The following ARHGAP39 variants were observed in gnomAD, a reference collection of about 807,000 sequenced individuals.
ARHGAP39 encodes Rho GTPase activating protein 39.
A neutral mutation model predicts 106.9 loss-of-function variants in ARHGAP39; 44 were observed. The observed-to-expected ratio is 0.41, with a 90% CI of 0.32 to 0.53. ARHGAP39 has a LOEUF of 0.53. Among genes scored for constraint, ARHGAP39 ranks in the 20% least tolerant of loss-of-function variants. The pLI is 0.21. For missense variants in ARHGAP39, 1,496 were observed against 1,577.3 expected (o/e 0.95, Z 0.87); for synonymous variants, 768 against 693.2 (o/e 1.11, Z -1.69).
chr8:144,656,415 A>G (rs1402374390), intron 1 of ARHGAP39, among the ~76,000 whole-genome samples: 1 of 152,182 alleles, frequency 6.6e-6, no homozygotes, highest in Non-Finnish European at 1.5e-5. Context: ...TTATGTAACA[A>G]TCCTAAATGC....
chr8:144,656,832 A>AAAAAAT (rs1821710607), intron 1 of ARHGAP39, among the ~76,000 whole-genome samples: 5 of 150,610 alleles, frequency 3.3e-5, no homozygotes, highest in South Asian at 2.1e-4. Flanking sequence ...AAAAAAAAAA[A>AAAAAAT]GTGAGTCTAA....
intron 2 of ARHGAP39, among the ~76,000 whole-genome samples, chr8:144,590,140 G>A (rs1449174342): frequency 2.0e-5 from 3 of 152,224 alleles, no homozygotes; most frequent in Non-Finnish European, 4.4e-5. Context: ...AAGCCTTCCC[G>A]ACAGGGCCTG....
Position 144,679,123 on chromosome 8 carries a change from G to A in ARHGAP39, c.-82+6563C>T, listed in dbSNP as rs911753292. 5.9e-5 allele frequency among the ~76,000 whole-genome samples: 9 copies of A among 152,206 alleles called. No homozygotes were observed. Among genetic ancestry groups the A allele is most frequent in the Non-Finnish European group, 8.8e-5 (6 of 68,034 alleles). ...TGAATGTGGGTGCTGAGTCTGAGCC[G>A]CCTCAGGGGCTCTCGCGCATGGTGG... On this transcript the variant is annotated intron_variant, in intron 1 of 11. Coordinates refer to ENST00000377307, the MANE Select transcript of ARHGAP39 (RefSeq NM_025251.3). The surrounding 1 kb of genome is among the most constrained non-coding windows in gnomAD (Gnocchi z 4.7).
At chr8:144,600,798 TCTAC>T (rs1163265419) in intron 2 of ARHGAP39, among the ~76,000 whole-genome samples, 1 of 148,066 alleles carries the variant, frequency 6.8e-6, no homozygotes, top group African/African-American at 2.5e-5. Flanking sequence ...CGTGAGCTCA[TCTAC>T]CTACCTGCGC....
At chr8:144,693,057 C>CAGTAAA in the ARHGAP39 span, among the ~76,000 whole-genome samples, 4 of 114,788 alleles carry the variant, frequency 3.5e-5, no homozygotes, top group African/African-American at 3.1e-5. Context: ...CTGCGCCCGG[C>CAGTAAA]CTTTTTTTTT....
intron 1 of ARHGAP39, among the ~76,000 whole-genome samples, chr8:144,673,816 G>A (rs11989020): frequency 0.036 from 5,509 of 152,350 alleles, 343 homozygotes; most frequent in African/African-American, 0.13. Flanking sequence ...GGCAAGGGGT[G>A]TGTGGGCAAG....
At chr8:144,653,135 T>C (rs562079633) in intron 1 of ARHGAP39, among the ~76,000 whole-genome samples, 24 of 152,086 alleles carry the variant, frequency 1.6e-4, no homozygotes, top group Middle Eastern at 3.4e-3. Context: ...CAGTCTTGAC[T>C]AAAAATACAA....
chr8:144,548,034 CGGCCCGGCGACCG>C lies in ARHGAP39; in HGVS notation c.1039_1051del (p.Arg347ValfsTer33). 6.2e-7 allele frequency: 1 copy of C among 1,604,918 alleles called. No homozygotes were observed. Among genetic ancestry groups the C allele is most frequent in the Non-Finnish European group, 8.5e-7 (1 of 1,176,894 alleles). On this transcript the variant is annotated frameshift_variant, in exon 5 of 12. Coordinates refer to ENST00000377307, the MANE Select transcript of ARHGAP39 (RefSeq NM_025251.3). LOFTEE classifies it high-confidence loss of function. This position sits in a 1 kb window ranked among gnomAD's most constrained non-coding sequence, Gnocchi z 7.4. ...GGGCTGGAGGAACGGCCGGGGCTTA[CGGCCCGGCGACCG>C]CTGGGGAGAGCCGGCCTGGTAGCCC...
rs563635256 is a variant in ARHGAP39 at position 144,602,726 on chromosome 8, C to CTG, written c.80+2807_80+2808dup. ...CGTGGAGTTGTGTGCGCTCGTGTAC[C>CTG]TGTGTGTGTGCATGGAGGCGTGTGT... On this transcript the variant is annotated intron_variant, in intron 2 of 11. Transcript: ENST00000377307. Among the ~76,000 whole-genome samples, 197 of 112,454 alleles carry CTG rather than the reference C, an allele frequency of 1.8e-3. 2 individuals are homozygous for CTG. The highest frequency in any genetic ancestry group is 6.8e-3 in the African/African-American group (192 of 28,178). 73.8% of individuals were successfully genotyped at this position (112,454 alleles called of 152,430 possible).
At chr8:144,541,932 G>T (rs1436979975) in intron 6 of ARHGAP39, among the ~76,000 whole-genome samples, 2 of 148,784 alleles carry the variant, frequency 1.3e-5, no homozygotes, top group African/African-American at 4.9e-5. Flanking sequence ...CTGCCTACCA[G>T]TTTCCACAGT....
intron 3 of ARHGAP39, among the ~76,000 whole-genome samples, chr8:144,577,904 G>A (rs750175862): frequency 7.9e-5 from 12 of 152,160 alleles, no homozygotes; most frequent in Non-Finnish European, 1.6e-4. Context: ...TCTGTTCATG[G>A]ATTAGAAAAT....
At chr8:144,620,922 G>A (rs1441202676) in intron 1 of ARHGAP39, among the ~76,000 whole-genome samples, 1 of 152,260 alleles carries the variant, frequency 6.6e-6, no homozygotes, top group Non-Finnish European at 1.5e-5. Flanking sequence ...GGAAGGAACT[G>A]GGAAACTGAA....
the ARHGAP39 span, among the ~76,000 whole-genome samples, chr8:144,696,851 A>T: frequency 1.3e-5 from 2 of 152,180 alleles, no homozygotes; most frequent in Non-Finnish European, 2.9e-5. Flanking sequence ...CCTAGTAACC[A>T]ACATTCTTTC....
rs761789231 is a variant in ARHGAP39, at chr8:144,547,571, G to A, written c.1515C>T (p.Thr505=). 1.2e-4 allele frequency: 183 copies of A among 1,472,384 alleles called. 1 individual carries two copies. Among genetic ancestry groups the A allele is most frequent in the Non-Finnish European group, 1.5e-4 (169 of 1,114,040 alleles). The allele number at this position is 1,472,384 out of a possible 1,614,324, so 91.2% of individuals were successfully genotyped here. A position where few individuals can be genotyped will look rare whatever the true frequency, so the allele number is the denominator to read the frequency against. ...CGGGGCCCTCAGTGGGGGTGGCGCT[G>A]GTGGCTTGGCACAAAGAGGGCTTTC... ...KSRKPSLCQA[T]SATPTEGPGD... Residue 505 remains threonine, a synonymous_variant, in exon 5 of 12, where the codon ACC becomes ACT. Coordinates refer to ENST00000377307, the MANE Select transcript of ARHGAP39 (RefSeq NM_025251.3). The surrounding 1 kb of genome is among the most constrained non-coding windows in gnomAD (Gnocchi z 5.2).
At position 144,679,191 on chromosome 8, in the gene ARHGAP39, A is replaced by C. The variant is rs1822323961; in HGVS notation, c.-82+6495T>G. The stretch of plus-strand genomic sequence containing the variant: ...CATCTGCGGCTGAGGGGAGACATCC[A>C]GCTGCACCTTCAGTCATGGTGAGAT... On this transcript the variant is annotated intron_variant, in intron 1 of 11. Coordinates refer to ENST00000377307, the MANE Select transcript of ARHGAP39 (RefSeq NM_025251.3). The surrounding 1 kb of genome is among the most constrained non-coding windows in gnomAD (Gnocchi z 4.7). Among the ~76,000 whole-genome samples the C allele has an allele frequency of 6.6e-6, 1 of 152,216 alleles. No homozygotes were observed. Among genetic ancestry groups the C allele is most frequent in the African/African-American group, 2.4e-5 (1 of 41,462 alleles).
chr8:144,628,406 C>G (rs1227009443), intron 1 of ARHGAP39, among the ~76,000 whole-genome samples: 1 of 152,116 alleles, frequency 6.6e-6, no homozygotes, highest in Non-Finnish European at 1.5e-5. Flanking sequence ...CAGCAACCCT[C>G]GTGCCAGATG....
At chr8:144,681,041 T>C (rs1822404161) in intron 1 of ARHGAP39, among the ~76,000 whole-genome samples, 3 of 152,026 alleles carry the variant, frequency 2.0e-5, no homozygotes, top group Admixed American at 2.0e-4. Flanking sequence ...ACAGCAGAAG[T>C]GGCAGAGGAG....
In ARHGAP39 at chr8:144,640,444, T is replaced by A. The variant is rs151141894; in HGVS notation, c.-81-34749A>T. Among the ~76,000 whole-genome samples the A allele has an allele frequency of 2.4e-4, 37 of 152,262 alleles. 1 individual carries two copies. Among genetic ancestry groups the A allele is most frequent in the African/African-American group, 7.7e-4 (32 of 41,572 alleles). On this transcript the variant is annotated intron_variant, in intron 1 of 11. Transcript: ENST00000377307. ...AAAATGGGAGTCTCCCTGCACAAGC[T>A]CTCCTCTTTGCCTGCTGCCATCCAG...
chr8:144,621,051 G>C (rs1319825031), intron 1 of ARHGAP39, among the ~76,000 whole-genome samples: 1 of 152,284 alleles, frequency 6.6e-6, no homozygotes, highest in Non-Finnish European at 1.5e-5. Flanking sequence ...ACCACCCAGA[G>C]CCCCAGTTGG....
Sources: allele counts gnomAD v4.1 joint callset (sites outside exome capture counted in the v4.1 genomes callset), GRCh38; gene constraint gnomAD v4.1.1; non-coding constraint Gnocchi (gnomAD v3.1); transcripts MANE v1.5; gene names NCBI Gene and HGNC (gene_info 2026-07-23, HGNC 2026-07-21).